MACF1: variants seen among roughly 807,000 people sequenced by gnomAD.
MACF1 encodes microtubule actin crosslinking factor 1.
Under a neutral mutation model 854.8 loss-of-function variants are expected in MACF1, and 193 were observed. The ratio of observed to expected loss-of-function variants is 0.23; its 90% CI spans 0.20 to 0.25. MACF1 has a LOEUF of 0.25. Ranked by LOEUF, MACF1 falls within the 10% of genes least tolerant of loss-of-function variation. MACF1 has a pLI of 1.00. For missense variants in MACF1, 7,722 were observed against 8,929.1 expected (o/e 0.86, Z 5.45); for synonymous variants, 3,185 against 3,226.7 (o/e 0.99, Z 0.44).
In MACF1 at chr1:39,334,575, G is replaced by C; in HGVS notation, c.7987G>C (p.Val2663Leu). 1 of 1,614,116 alleles carries C rather than the reference G, an allele frequency of 6.2e-7. No individual in the cohort carries two copies. ...SDIKDGVSDK[V>L]LTLSQAIQLG... Reference sequence around the variant, plus strand: ...CATTAAAGATGGGGTGAGCGACAAAGTGCTTACATTGTCTCAAGCAATTCA... The same window carrying C: ...CATTAAAGATGGGGTGAGCGACAAACTGCTTACATTGTCTCAAGCAATTCA... The change falls in exon 37 of 101, where the codon GTG (valine) becomes CTG (leucine). Residue 2663 changes from valine to leucine, a missense_variant. Physicochemically the swap from Val to Leu is conservative, Grantham distance 32. Transcript: ENST00000564288.
At chr1:39,380,554 C>A (rs745745943) in intron 55 of MACF1, among the ~76,000 whole-genome samples, 181 bp downstream of exon 55, 38 of 152,128 alleles carry the variant, frequency 2.5e-4, no homozygotes, top group Non-Finnish European at 3.7e-4. Flanking sequence ...AAATTCCACT[C>A]AAAAAGTCAG....
At position 39,387,337 on chromosome 1, in the gene MACF1, A is replaced by G; in HGVS notation, c.14495A>G (p.Gln4832Arg). Reference sequence around the variant, plus strand: ...GCAAAATTGGAGCGGCTACAGTCTCAGCTACAGGAGAATGAAGAGTTTCAG... The same window carrying G: ...GCAAAATTGGAGCGGCTACAGTCTCGGCTACAGGAGAATGAAGAGTTTCAG... ...ISAKLERLQS[Q>R]LQENEEFQKS... The change falls in exon 58 of 101, where the codon CAG becomes CGG. Residue 4832 changes from glutamine (Q) to arginine (R), a missense_variant. This residue lies in a region of MACF1 where 2,807 missense variants were observed against 3,235.8 expected (regional missense o/e 0.87). Transcript: ENST00000564288. The G allele has an allele frequency of 2.5e-6, 4 of 1,614,200 alleles. No homozygotes were observed. The highest frequency in any genetic ancestry group is 3.4e-6 in the Non-Finnish European group (4 of 1,180,044).
At chr1:39,426,719 A>G (rs1643739536) in intron 61 of MACF1, among the ~76,000 whole-genome samples, 1 of 152,180 alleles carries the variant, frequency 6.6e-6, no homozygotes. Context: ...TATATTAAAT[A>G]AGAGTTAAGA....
Position 39,336,607 on chromosome 1 carries a change from G to T in MACF1, c.10019G>T (p.Gly3340Val), listed in dbSNP as rs374799406. ...EQTPFMTAPE[G>V]KGNGGVNPEP... ...ACTCCCTTCATGACTGCACCTGAAGGAAAGGGAAATGGAGGTGTAAACCCA... is the reference window on the plus strand; with the variant it reads ...ACTCCCTTCATGACTGCACCTGAAGTAAAGGGAAATGGAGGTGTAAACCCA... The change falls in exon 37 of 101, where the codon GGA becomes GTA. Residue 3340 changes from glycine to valine, a missense_variant. Gly to Val is a moderately radical substitution (Grantham distance 109). This residue lies in a region of MACF1 where 854 missense variants were observed against 852.6 expected (regional missense o/e 1.00). Coordinates refer to ENST00000564288, the MANE Select transcript of MACF1 (RefSeq NM_001394062.1). The T allele has an allele frequency of 6.2e-7, 1 of 1,613,524 alleles. No individual in the cohort carries two copies. The highest frequency in any genetic ancestry group is 1.3e-5 in the African/African-American group (1 of 74,934).
chr1:39,084,760 A>G lies in MACF1; in HGVS notation c.220+322A>G, dbSNP rs1641626626. 6.6e-6 allele frequency among the ~76,000 whole-genome samples: 1 copy of G among 152,128 alleles called. No homozygotes were observed. The highest frequency in any genetic ancestry group is 2.1e-4 in the South Asian group (1 of 4,832). On this transcript the variant is annotated intron_variant, in intron 2 of 93. Transcript: ENST00000361689. The surrounding 1 kb of genome is among the most constrained non-coding windows in gnomAD (Gnocchi z 5.2). ...TACCATTCTGCATCTGACTCTTTTC[A>G]GTTAATCTTATATTAAAAAGATTTT...
chr1:39,218,075 C>T (rs1308202309), intron 1 of MACF1, among the ~76,000 whole-genome samples: 1 of 144,082 alleles, frequency 6.9e-6, no homozygotes, highest in Non-Finnish European at 1.5e-5. Context: ...CCTAGCTACT[C>T]GGGAGGCTGA....
At chr1:39,272,972 T>G (rs1218272896) in intron 6 of MACF1, among the ~76,000 whole-genome samples, 2 of 152,080 alleles carry the variant, frequency 1.3e-5, no homozygotes, top group African/African-American at 4.8e-5. Context: ...GACTCCCTAT[T>G]CCCAGCTGCT....
chr1:39,447,516 CAG>C lies in MACF1; in HGVS notation c.19693_19694del (p.Ser6565PhefsTer26). On this transcript the variant is annotated frameshift_variant, in exon 81 of 101. Coordinates refer to ENST00000564288, the MANE Select transcript of MACF1 (RefSeq NM_001394062.1). LOFTEE classifies it high-confidence loss of function. ...TATCAACTGGCTCACTCTAGCAGAG[CAG>C]AGTTTAAACATCGCTTCTCCACCAA... ...EFINWLTLAE[Q>X]SLNIASPPSL... 2 of 1,614,046 alleles carry C rather than the reference CAG, an allele frequency of 1.2e-6. No individual in the cohort carries two copies. The highest frequency in any genetic ancestry group is 1.7e-6 in the Non-Finnish European group (2 of 1,179,896).
rs760036150 is a variant in MACF1 at position 39,432,671 on chromosome 1, T to C, written c.17457+17T>C. On this transcript the variant is annotated intron_variant, in intron 67 of 100. Transcript: ENST00000564288. ...GTACAGAAGGTACGTGCCCACTCTT[T>C]CCTGAGCTAATAGAATCATCAGTAA... The C allele has an allele frequency of 2.5e-6, 4 of 1,610,276 alleles. No homozygotes were observed. The highest frequency in any genetic ancestry group is 3.4e-6 in the Non-Finnish European group (4 of 1,178,440).
At chr1:39,338,219 T>G (rs1409808565) in intron 38 of MACF1, among the ~76,000 whole-genome samples, 14 of 151,502 alleles carry the variant, frequency 9.2e-5, no homozygotes, top group Admixed American at 9.2e-4. Flanking sequence ...TCTTACTTCC[T>G]AAAACTATAC....
chr1:39,406,758 A>AAAAAAAAAAAAAAAAT (rs1642728443), intron 58 of MACF1, among the ~76,000 whole-genome samples: 1 of 149,218 alleles, frequency 6.7e-6, no homozygotes, highest in African/African-American at 2.5e-5. Flanking sequence ...AAAAAAAAAA[A>AAAAAAAAAAAAAAAAT]CATTCTTTAT....
intron 1 of MACF1, among the ~76,000 whole-genome samples, chr1:39,218,978 A>C (rs1461924362): frequency 6.6e-5 from 10 of 151,982 alleles, no homozygotes; most frequent in Admixed American, 6.6e-4. Context: ...ACGGGGTTTC[A>C]CCATGTTGGC....
chr1:39,305,290 A>ATATATATG (rs1181173714), intron 23 of MACF1, among the ~76,000 whole-genome samples: 2 of 143,514 alleles, frequency 1.4e-5, no homozygotes, highest in East Asian at 4.2e-4. Flanking sequence ...GTGTGTGTGT[A>ATATATATG]TATATATGTA....
intron 2 of MACF1, among the ~76,000 whole-genome samples, chr1:39,172,692 A>G (rs1643968450): frequency 6.6e-6 from 1 of 152,236 alleles, no homozygotes; most frequent in Non-Finnish European, 1.5e-5. Context: ...CTAGGAGATG[A>G]GCCATCAGGC....
chr1:39,144,041 G>GC (rs1385043071), intron 2 of MACF1, among the ~76,000 whole-genome samples: 1 of 149,162 alleles, frequency 6.7e-6, no homozygotes, highest in East Asian at 2.0e-4. Flanking sequence ...GCCCGCCTCG[G>GC]CCACCAAGGT....
chr1:39,274,561 GAATAC>G (rs1195696581), intron 6 of MACF1, among the ~76,000 whole-genome samples: 1 of 152,188 alleles, frequency 6.6e-6, no homozygotes, highest in African/African-American at 2.4e-5. Flanking sequence ...GGTTGTATGT[GAATAC>G]TACCTCATTT....
intron 2 of MACF1, among the ~76,000 whole-genome samples, chr1:39,159,830 G>C (rs948911233): frequency 2.0e-5 from 3 of 152,142 alleles, no homozygotes; most frequent in African/African-American, 7.2e-5. Context: ...GGTGTGGAGA[G>C]AGTGGGAGGG....
intron 37 of MACF1, 93 bp from the exon 38 acceptor site, chr1:39,337,089 G>T (rs1003391340): frequency 2.5e-6 from 3 of 1,186,490 alleles, no homozygotes; most frequent in Admixed American, 2.3e-5. Context: ...AGTAAAAATT[G>T]CTTCTATTTG....
chr1:39,136,138 C>A (rs1643161672), intron 2 of MACF1, among the ~76,000 whole-genome samples: 1 of 152,220 alleles, frequency 6.6e-6, no homozygotes, highest in Non-Finnish European at 1.5e-5. Context: ...GGGTTCCCCT[C>A]AATGCAGCCC....
Sources: allele counts gnomAD v4.1 joint callset (sites outside exome capture counted in the v4.1 genomes callset), GRCh38; gene constraint gnomAD v4.1.1; regional missense constraint gnomAD v4.1.1; non-coding constraint Gnocchi (gnomAD v3.1); transcripts MANE v1.5; gene names NCBI Gene and HGNC (gene_info 2026-07-23, HGNC 2026-07-21).